The following AFF2 variants were observed in gnomAD, a reference collection of about 807,000 sequenced individuals.
AFF2 encodes the protein AF4/FMR2 family member 2.
A neutral mutation model predicts 76.9 loss-of-function variants in AFF2; 14 were observed. The ratio of observed to expected loss-of-function variants is 0.18; its 90% CI spans 0.12 to 0.28. AFF2 has a LOEUF of 0.28. AFF2 is among the 10% of genes least tolerant of loss of function. The pLI, the probability that AFF2 is intolerant of heterozygous loss-of-function variation, is 1.00. For synonymous variants in AFF2, 398 were observed against 366.7 expected (o/e 1.09, Z -0.98); for missense variants, 868 against 1,001.1 (o/e 0.87, Z 1.79).
At chrX:148,808,458 A>G (rs1557271513) in intron 3 of AFF2, among the ~76,000 whole-genome samples, 1 of 112,536 alleles carries the variant, frequency 8.9e-6, no homozygotes. Flanking sequence ...TGCCCAGCCA[A>G]CTTAAGTCTT....
chrX:148,857,856 C>A (rs1483169531), intron 7 of AFF2, among the ~76,000 whole-genome samples: 1 of 111,497 alleles, frequency 9.0e-6, no homozygotes, highest in East Asian at 2.8e-4. Flanking sequence ...AATTTTAGAT[C>A]TCAACTAAAG....
Position 148,500,637 on chromosome X carries a change from T to TGCCGCCGCTGCCGCCGCCGCCGCC in AFF2, c.-453_-452insTGCCGCCGCCGCCGCCGCCGCCGC, listed in dbSNP as rs1557231523. Reference sequence around the variant, plus strand: ...CCGCCGCCGCCGCCTGTGCAGCCGCTGCCGCCGCCGCCGCCGCCGCCGCCG... The same window carrying TGCCGCCGCTGCCGCCGCCGCCGCC: ...CCGCCGCCGCCGCCTGTGCAGCCGCTGCCGCCGCTGCCGCCGCCGCCGCCGCCGCCGCCGCCGCCGCCGCCGCCG... On this transcript the variant is annotated 5_prime_UTR_variant, in exon 1 of 21. Coordinates refer to ENST00000370460, the MANE Select transcript of AFF2 (RefSeq NM_002025.4). 1 of 73,753 alleles carries TGCCGCCGCTGCCGCCGCCGCCGCC rather than the reference T, an allele frequency of 1.4e-5. No homozygotes were observed. Among genetic ancestry groups the TGCCGCCGCTGCCGCCGCCGCCGCC allele is most frequent in the Admixed American group, 1.5e-4 (1 of 6,673 alleles). 6.1% of individuals were successfully genotyped at this position (73,753 alleles called of 1,213,427 possible).
intron 16 of AFF2, among the ~76,000 whole-genome samples, chrX:148,977,314 A>G (rs781836514): frequency 2.6e-4 from 29 of 110,682 alleles, no homozygotes; most frequent in Non-Finnish European, 5.3e-4. Context: ...GAAAGACAAA[A>G]TATACAAGCA....
At position 148,843,453 on chromosome X, in the gene AFF2, A is replaced by T. The variant is rs782700869; in HGVS notation, c.1262+20A>T. 1 of 1,195,951 alleles carries T rather than the reference A, an allele frequency of 8.4e-7. No individual in the cohort carries two copies. The highest frequency in any genetic ancestry group is 2.2e-5 in the Admixed American group (1 of 45,760). On this transcript the variant is annotated intron_variant, in intron 7 of 20. Coordinates refer to ENST00000370460, the MANE Select transcript of AFF2 (RefSeq NM_002025.4). ...CAAATCGTGAGTAGTTGGATCTCCA[A>T]ATCAGGCCTTTTTGGGGATATTTGG...
intron 1 of AFF2, among the ~76,000 whole-genome samples, chrX:148,523,477 G>C (rs1330946445): frequency 8.9e-6 from 1 of 111,924 alleles, no homozygotes; most frequent in Non-Finnish European, 1.9e-5. Flanking sequence ...ATTTGTGACA[G>C]CTTAAGGACA....
At chrX:148,824,524 C>A (rs182190906) in intron 4 of AFF2, among the ~76,000 whole-genome samples, 138 of 111,425 alleles carry the variant, frequency 1.2e-3, no homozygotes, top group African/African-American at 4.1e-3. Flanking sequence ...CATTGTATAC[C>A]ATAAATATAT....
chrX:148,501,065 C>T lies in AFF2; in HGVS notation c.-33C>T, dbSNP rs782342416. The T allele has an allele frequency of 3.2e-5, 39 of 1,202,381 alleles. No homozygotes were observed. Among genetic ancestry groups the T allele is most frequent in the African/African-American group, 5.3e-5 (3 of 56,127 alleles). Reference sequence around the variant, plus strand: ...CGCGCCGACCCGCTGCGATCAGGGACAGGCGCCCGCCCGCCGCCGCCGCCT... The same window carrying T: ...CGCGCCGACCCGCTGCGATCAGGGATAGGCGCCCGCCCGCCGCCGCCGCCT... On this transcript the variant is annotated 5_prime_UTR_variant, in exon 1 of 21. Coordinates refer to ENST00000370460, the MANE Select transcript of AFF2 (RefSeq NM_002025.4).
intron 1 of AFF2, among the ~76,000 whole-genome samples, chrX:148,631,430 A>G (rs868973383): frequency 9.0e-6 from 1 of 110,668 alleles, no homozygotes; most frequent in Admixed American, 9.7e-5. Context: ...GCAATGCGCA[A>G]CCTGACTGAT....
At chrX:148,978,210 C>T (rs2072350033) in intron 17 of AFF2, 152 bp from the exon 18 acceptor site, 1 of 502,627 alleles carries the variant, frequency 2.0e-6, no homozygotes, top group Non-Finnish European at 3.4e-6. Context: ...TTAATGCTTG[C>T]CCCTTCCCTC....
chrX:148,635,385 C>A (rs1466861899), intron 1 of AFF2, among the ~76,000 whole-genome samples: 1 of 111,432 alleles, frequency 9.0e-6, no homozygotes, highest in Non-Finnish European at 1.9e-5. Flanking sequence ...TATGGATTCT[C>A]CCCTGGAGCC....
chrX:148,689,654 A>G (rs1205137868), intron 3 of AFF2, among the ~76,000 whole-genome samples: 1 of 111,836 alleles, frequency 8.9e-6, no homozygotes, highest in Non-Finnish European at 1.9e-5. Flanking sequence ...TCTTTTGGTA[A>G]TATTGGCTAT....
intron 9 of AFF2, among the ~76,000 whole-genome samples, chrX:148,932,101 T>C (rs1256154390): frequency 8.9e-6 from 1 of 111,764 alleles, no homozygotes; most frequent in Non-Finnish European, 1.9e-5. Flanking sequence ...TCCTGCTGAG[T>C]GGAGGAATAG....
At chrX:148,968,772 ATTTTCCCCT>A (rs1211923528) in intron 15 of AFF2, among the ~76,000 whole-genome samples, 1 of 111,760 alleles carries the variant, frequency 8.9e-6, no homozygotes, top group Non-Finnish European at 1.9e-5. Context: ...CTTAGAAGCA[ATTTTCCCCT>A]GCTCCTGCAG....
At chrX:148,525,521 T>C (rs782676040) in intron 1 of AFF2, among the ~76,000 whole-genome samples, 1 of 111,887 alleles carries the variant, frequency 8.9e-6, no homozygotes, top group Non-Finnish European at 1.9e-5. Flanking sequence ...TACTTAGAAA[T>C]AGTTTATATT....
intron 1 of AFF2, among the ~76,000 whole-genome samples, chrX:148,582,079 A>T (rs1286559088): frequency 9.0e-6 from 1 of 111,335 alleles, no homozygotes; most frequent in Non-Finnish European, 1.9e-5. Flanking sequence ...GGTTTGTCTT[A>T]TTAGTTTTGT....
intron 9 of AFF2, among the ~76,000 whole-genome samples, chrX:148,916,457 G>A (rs184130053): frequency 0.015 from 1,667 of 109,273 alleles, 34 homozygotes; most frequent in African/African-American, 0.053. Flanking sequence ...TGATCTTCCC[G>A]CCTCGGCCTC....
intron 8 of AFF2, among the ~76,000 whole-genome samples, chrX:148,902,025 A>G (rs2071360697): frequency 8.9e-6 from 1 of 111,902 alleles, no homozygotes; most frequent in African/African-American, 3.3e-5. Flanking sequence ...CAACCCAGAA[A>G]AAATAATTTG....
chrX:148,649,684 G>A (rs1191136535), intron 1 of AFF2, among the ~76,000 whole-genome samples: 1 of 112,330 alleles, frequency 8.9e-6, no homozygotes, highest in African/African-American at 3.2e-5. Context: ...CAGGGCTAAA[G>A]CACCGAAAGT....
intron 3 of AFF2, among the ~76,000 whole-genome samples, chrX:148,801,142 T>A (rs1052579915): frequency 2.0e-4 from 22 of 111,959 alleles, no homozygotes; most frequent in African/African-American, 7.1e-4. Flanking sequence ...TTCTGCTTAT[T>A]GCAGTCAGAA....
Sources: gnomAD v4.1 joint callset for allele counts (sites outside exome capture counted in the v4.1 genomes callset) on GRCh38, gnomAD v4.1.1 for gene constraint, MANE v1.5 for transcripts, NCBI Gene and HGNC (gene_info 2026-07-23, HGNC 2026-07-21) for gene names.